The following CDK6 variants were observed in gnomAD, a reference collection of about 807,000 sequenced individuals.
CDK6 encodes cyclin dependent kinase 6, also known as cyclin-dependent kinase 6.
In CDK6, 6 loss-of-function variants were observed where a neutral mutation model predicts 37.1. The observed-to-expected ratio is 0.16, with a 90% CI of 0.09 to 0.32. The LOEUF is 0.32. CDK6 is among the 10% of genes least tolerant of loss of function. The probability of loss-of-function intolerance (pLI) is 1.00; values close to 1 mark genes in which losing one functional copy is unlikely to be tolerated. For synonymous variants in CDK6, 160 were observed against 161.3 expected, an observed-to-expected ratio of 0.99 and a Z score of 0.06; for missense variants, 224 against 418.9, an observed-to-expected ratio of 0.53 and a Z score of 4.06.
intron 2 of CDK6, among the ~76,000 whole-genome samples, chr7:92,788,072 T>G (rs972121070): frequency 1.3e-5 from 2 of 152,186 alleles, no homozygotes; most frequent in African/African-American, 4.8e-5. Context: ...TTGGAGAAGC[T>G]GGAAAAACTG....
intron 4 of CDK6, among the ~76,000 whole-genome samples, chr7:92,674,649 A>T (rs1014776404): frequency 1.3e-5 from 2 of 152,228 alleles, no homozygotes; most frequent in African/African-American, 4.8e-5. Context: ...GACACACTGT[A>T]AACAAAACTG....
chr7:92,765,653 A>G (rs1412840875), intron 3 of CDK6, among the ~76,000 whole-genome samples: 3 of 152,172 alleles, frequency 2.0e-5, no homozygotes, highest in African/African-American at 4.8e-5. Context: ...TTACAAACAC[A>G]TGTTTACTGA....
chr7:92,636,235 T>G (rs1039059261), intron 5 of CDK6, among the ~76,000 whole-genome samples: 26 of 152,132 alleles, frequency 1.7e-4, no homozygotes, highest in African/African-American at 6.0e-4. Flanking sequence ...TTGTATTTTT[T>G]GTTTTGTAGA....
chr7:92,801,873 T>C lies in CDK6; in HGVS notation c.234-27042A>G, dbSNP rs376493844. Among the ~76,000 whole-genome samples the C allele has an allele frequency of 2.5e-4, 38 of 151,930 alleles. 1 individual carries two copies. Among genetic ancestry groups the C allele is most frequent in the East Asian group, 1.5e-3 (8 of 5,172 alleles). On this transcript the variant is annotated intron_variant, in intron 2 of 7. Coordinates refer to ENST00000424848, the MANE Select transcript of CDK6 (RefSeq NM_001145306.2). ...CTGACCACAAGTGATCCACCCGCCT[T>C]AGCTTTCCAAAAGTGCTGAGATTAC... is the stretch of plus-strand genomic sequence containing the variant.
chr7:92,627,075 C>T (rs1795944101), intron 5 of CDK6, among the ~76,000 whole-genome samples: 1 of 151,948 alleles, frequency 6.6e-6, no homozygotes, highest in Non-Finnish European at 1.5e-5. Context: ...CGTCCATCAA[C>T]TGATAAATGG....
At chr7:92,621,955 C>T (rs922066332) in intron 6 of CDK6, among the ~76,000 whole-genome samples, 1 of 151,436 alleles carries the variant, frequency 6.6e-6, no homozygotes, top group African/African-American at 2.4e-5. Flanking sequence ...CTGTTTTAAG[C>T]AGTCACGCTT....
At chr7:92,756,658 T>A (rs1293057501) in intron 3 of CDK6, among the ~76,000 whole-genome samples, 1 of 152,234 alleles carries the variant, frequency 6.6e-6, no homozygotes, top group African/African-American at 2.4e-5. Context: ...AGAAGGAAGA[T>A]GTATGCTTCT....
At chr7:92,748,137 T>C (rs1048684780) in intron 3 of CDK6, among the ~76,000 whole-genome samples, 10 of 152,346 alleles carry the variant, frequency 6.6e-5, no homozygotes, top group Non-Finnish European at 1.0e-4. Context: ...GCATGTTCTA[T>C]ACTCAGAACT....
At chr7:92,617,648 A>G (rs189848718) in intron 7 of CDK6, among the ~76,000 whole-genome samples, 15 of 152,354 alleles carry the variant, frequency 9.8e-5, no homozygotes, top group African/African-American at 3.6e-4. Context: ...AAGTATTGCT[A>G]TATAGTTCTT....
intron 5 of CDK6, among the ~76,000 whole-genome samples, chr7:92,657,680 T>C (rs1796727486): frequency 6.6e-6 from 1 of 152,192 alleles, no homozygotes; most frequent in Admixed American, 6.5e-5. Flanking sequence ...AAACCAAACT[T>C]AACAAAAGTT....
intron 4 of CDK6, among the ~76,000 whole-genome samples, chr7:92,682,042 C>G (rs1450066468): frequency 2.6e-5 from 4 of 152,212 alleles, no homozygotes; most frequent in Non-Finnish European, 5.9e-5. Flanking sequence ...CTTCTCTTGA[C>G]TTTCAATGAA....
intron 2 of CDK6, among the ~76,000 whole-genome samples, chr7:92,792,504 A>G (rs1377945294): frequency 1.3e-5 from 2 of 152,130 alleles, no homozygotes; most frequent in Non-Finnish European, 2.9e-5. Flanking sequence ...GAATCAAAAT[A>G]TATATATTTT....
chr7:92,660,204 C>T (rs1796804631), intron 5 of CDK6, among the ~76,000 whole-genome samples: 1 of 152,180 alleles, frequency 6.6e-6, no homozygotes. Context: ...TGGTGGACAA[C>T]TTGTGTGCAT....
chr7:92,725,540 T>A, intron 4 of CDK6, 86 bp downstream of exon 4: 5 of 1,387,674 alleles, frequency 3.6e-6, no homozygotes, highest in Non-Finnish European at 5.0e-6. Flanking sequence ...TGGGCAGTAC[T>A]AACATTAGAG....
Position 92,605,719 on chromosome 7 carries a change from A to G in CDK6, c.*9421T>C, listed in dbSNP as rs1795411432. 4.3e-6 allele frequency: 1 copy of G among 233,108 alleles called. No homozygotes were observed. The highest frequency in any genetic ancestry group is 5.6e-5 in the Admixed American group (1 of 17,776). The allele number at this position is 233,108 out of a possible 1,614,324, so 14.4% of individuals were successfully genotyped here. On this transcript the variant is annotated 3_prime_UTR_variant, in exon 8 of 8. Transcript: ENST00000424848. Reference sequence around the variant, plus strand: ...TGTGTGTAATGGAGGGATGGTTGCTAGAGTGAGACAGCCCTTCCCCTCTTG... The same window carrying G: ...TGTGTGTAATGGAGGGATGGTTGCTGGAGTGAGACAGCCCTTCCCCTCTTG...
At chr7:92,653,059 AG>A (rs1796612059) in intron 5 of CDK6, among the ~76,000 whole-genome samples, 1 of 152,208 alleles carries the variant, frequency 6.6e-6, no homozygotes, top group African/African-American at 2.4e-5. Flanking sequence ...GAGAAGTCTG[AG>A]GCCAGCTTGA....
intron 5 of CDK6, among the ~76,000 whole-genome samples, chr7:92,645,175 C>T (rs1796417200): frequency 6.6e-6 from 1 of 152,186 alleles, no homozygotes; most frequent in African/African-American, 2.4e-5. Context: ...GGTGTTTTCA[C>T]TCAGCTCTCA....
At chr7:92,796,710 A>G (rs532813737) in intron 2 of CDK6, among the ~76,000 whole-genome samples, 17 of 152,186 alleles carry the variant, frequency 1.1e-4, no homozygotes, top group Admixed American at 2.0e-4. Context: ...TTTATATTTT[A>G]GTAACTGTTT....
At chr7:92,678,431 G>A (rs934008532) in intron 4 of CDK6, among the ~76,000 whole-genome samples, 1 of 152,108 alleles carries the variant, frequency 6.6e-6, no homozygotes, top group Non-Finnish European at 1.5e-5. Context: ...AGGAGGGGGA[G>A]CGGAAGGCAG....
Sources: allele counts gnomAD v4.1 joint callset (sites outside exome capture counted in the v4.1 genomes callset), GRCh38; gene constraint gnomAD v4.1.1; transcripts MANE v1.5; gene names NCBI Gene and HGNC (gene_info 2026-07-23, HGNC 2026-07-21).